The following SFMBT2 variants were observed in gnomAD, a reference collection of about 807,000 sequenced individuals.
SFMBT2 encodes the protein Scm like with four mbt domains 2.
Under a neutral mutation model 110.1 loss-of-function variants are expected in SFMBT2, and 38 were observed. That is an observed-to-expected ratio of 0.35 (90% CI 0.27 to 0.45). The LOEUF (loss-of-function observed/expected upper bound fraction) is 0.45, where lower values mean the gene tolerates loss of function less well. Ranked by LOEUF, SFMBT2 falls within the 20% of genes least tolerant of loss-of-function variation. The probability of loss-of-function intolerance (pLI) is 1.00; values close to 1 mark genes in which losing one functional copy is unlikely to be tolerated. For synonymous variants in SFMBT2, 425 were observed against 425.4 expected (o/e 1.00, Z 0.01); for missense variants, 1,011 against 1,094.9 (o/e 0.92, Z 1.08).
At chr10:7,288,801 C>A (rs904866572) in intron 4 of SFMBT2, among the ~76,000 whole-genome samples, 2 of 151,738 alleles carry the variant, frequency 1.3e-5, no homozygotes, top group African/African-American at 4.8e-5. Context: ...GAGGCCAAGG[C>A]GGGTGGATCA....
intron 1 of SFMBT2, among the ~76,000 whole-genome samples, chr10:7,393,448 A>T (rs76919923): frequency 0.041 from 6,298 of 152,250 alleles, 195 homozygotes; most frequent in African/African-American, 0.09. Flanking sequence ...CTAGTTAAAC[A>T]ATAATTAAAT....
intron 10 of SFMBT2, among the ~76,000 whole-genome samples, chr10:7,221,697 G>T (rs187510468): frequency 1.3e-5 from 2 of 150,304 alleles, no homozygotes; most frequent in East Asian, 1.9e-4. Context: ...ATTTTCCTTT[G>T]TTCTTTTTGT....
At position 7,320,896 on chromosome 10, in the gene SFMBT2, C is replaced by G. The variant is rs1330380545; in HGVS notation, c.437-34942G>C. ...TCCCATCCAAGCGCATAAGGGCCTG[C>G]CAACGGCCCAGTTCCTCCACTGCTC... is the stretch of plus-strand genomic sequence containing the variant. On this transcript the variant is annotated intron_variant, in intron 4 of 20. Coordinates refer to ENST00000397167, the MANE Select transcript of SFMBT2 (RefSeq NM_001387889.1). 2.6e-5 allele frequency among the ~76,000 whole-genome samples: 4 copies of G among 152,290 alleles called. No individual in the cohort carries two copies. The East Asian group carries it at 7.7e-4, about 29-fold the overall frequency.
At position 7,172,723 on chromosome 10, in the gene SFMBT2, G is replaced by C; in HGVS notation, c.1985-62C>G. 6.6e-7 allele frequency: 1 copy of C among 1,513,992 alleles called. No homozygotes were observed. The highest frequency in any genetic ancestry group is 1.3e-5 in the South Asian group (1 of 79,176). 93.8% of individuals were successfully genotyped at this position (1,513,992 alleles called of 1,614,324 possible). On this transcript the variant is annotated intron_variant, in intron 17 of 20. Transcript: ENST00000397167. This position sits in a 1 kb window ranked among gnomAD's most constrained non-coding sequence, Gnocchi z 4.6. ...ACACACACACAGACATGAACAGAGA[G>C]AGGAGAGAGAAAGAAGGGAAACGAT...
chr10:7,331,056 C>T (rs1843546841), intron 4 of SFMBT2, among the ~76,000 whole-genome samples: 1 of 152,230 alleles, frequency 6.6e-6, no homozygotes, highest in South Asian at 2.1e-4. Flanking sequence ...GTATTTTCTT[C>T]TTTCTTAAAA....
At chr10:7,345,988 A>C (rs777115629) in intron 4 of SFMBT2, among the ~76,000 whole-genome samples, 43 of 152,118 alleles carry the variant, frequency 2.8e-4, no homozygotes, top group Non-Finnish European at 5.4e-4. Flanking sequence ...TTCGCAGAGC[A>C]CTCGGTTGCT....
At chr10:7,286,285 G>T in intron 4 of SFMBT2, 2 of 303,364 alleles carry the variant, frequency 6.6e-6, no homozygotes, top group African/African-American at 2.3e-5. Context: ...AGAGAAACCA[G>T]TGAGGCTAGG....
At chr10:7,371,773 C>T (rs1845070976) in intron 2 of SFMBT2, among the ~76,000 whole-genome samples, 1 of 152,184 alleles carries the variant, frequency 6.6e-6, no homozygotes, top group African/African-American at 2.4e-5. Context: ...AAACAAGAGC[C>T]TGTGTCACTG....
At chr10:7,222,365 A>G (rs1839769945) in intron 10 of SFMBT2, among the ~76,000 whole-genome samples, 1 of 152,226 alleles carries the variant, frequency 6.6e-6, no homozygotes, top group Admixed American at 6.5e-5. Flanking sequence ...CTGCTGTGGC[A>G]AAATACGACA....
intron 1 of SFMBT2, among the ~76,000 whole-genome samples, chr10:7,404,981 G>A (rs1846175261): frequency 6.6e-6 from 1 of 152,154 alleles, no homozygotes; most frequent in African/African-American, 2.4e-5. Context: ...CAGTCTTACA[G>A]TCTTGTAAAC....
At chr10:7,401,602 G>A (rs60995054) in intron 1 of SFMBT2, among the ~76,000 whole-genome samples, 15,783 of 152,126 alleles carry the variant, frequency 0.1, 1,014 homozygotes, top group African/African-American at 0.18. Context: ...ATGTCCTCAC[G>A]CCTATTCATG....
chr10:7,350,373 G>T (rs1028094003), intron 4 of SFMBT2, among the ~76,000 whole-genome samples: 3 of 151,920 alleles, frequency 2.0e-5, no homozygotes, highest in African/African-American at 7.3e-5. Flanking sequence ...TTAGAAAATC[G>T]ATAGCAAAAG....
intron 4 of SFMBT2, among the ~76,000 whole-genome samples, chr10:7,341,861 C>T (rs1843915300): frequency 6.6e-6 from 1 of 152,132 alleles, no homozygotes; most frequent in South Asian, 2.1e-4. Context: ...ATTCTGTCTA[C>T]TATTGGTTAT....
chr10:7,397,495 C>T (rs1041693039), intron 1 of SFMBT2, among the ~76,000 whole-genome samples: 13 of 152,094 alleles, frequency 8.5e-5, no homozygotes, highest in African/African-American at 2.4e-4. Context: ...AAATCTAGCA[C>T]GTCTAAATCA....
At chr10:7,350,869 A>T (rs1475906783) in intron 4 of SFMBT2, among the ~76,000 whole-genome samples, 1 of 152,174 alleles carries the variant, frequency 6.6e-6, no homozygotes, top group African/African-American at 2.4e-5. Context: ...CCATAAATCA[A>T]TTATTCTGCT....
intron 16 of SFMBT2, among the ~76,000 whole-genome samples, chr10:7,188,121 T>G (rs1838477321): frequency 6.6e-6 from 1 of 152,226 alleles, no homozygotes; most frequent in African/African-American, 2.4e-5. Flanking sequence ...AGAAAGTTAC[T>G]TGACTCCACG....
chr10:7,404,455 G>A (rs1383966534), intron 1 of SFMBT2, among the ~76,000 whole-genome samples: 2 of 152,236 alleles, frequency 1.3e-5, no homozygotes, highest in East Asian at 3.9e-4. Context: ...AAACTACAGG[G>A]AAAAACTCAC....
At chr10:7,220,375 TCCC>T in intron 11 of SFMBT2, 33 bp downstream of exon 11, 2 of 1,599,224 alleles carry the variant, frequency 1.3e-6, no homozygotes, top group South Asian at 2.2e-5. Flanking sequence ...AACTCTACAT[TCCC>T]CCCAGCGACT....
chr10:7,191,255 C>T (rs899554901), intron 15 of SFMBT2, among the ~76,000 whole-genome samples: 5 of 152,244 alleles, frequency 3.3e-5, no homozygotes, highest in Non-Finnish European at 7.3e-5. Flanking sequence ...TCAGTCCTCT[C>T]TGGAACCCAA....
Sources: allele counts gnomAD v4.1 joint callset (sites outside exome capture counted in the v4.1 genomes callset), GRCh38; gene constraint gnomAD v4.1.1; non-coding constraint Gnocchi (gnomAD v3.1); transcripts MANE v1.5; gene names NCBI Gene and HGNC (gene_info 2026-07-23, HGNC 2026-07-21).